The following MYLK variants were observed in gnomAD, a reference collection of about 807,000 sequenced individuals.
MYLK encodes myosin light chain kinase, smooth muscle.
MYLK carries 106 observed loss-of-function variants against 203.4 expected under a neutral mutation model. The ratio of observed to expected loss-of-function variants is 0.52; its 90% confidence interval spans 0.45 to 0.61. MYLK has a LOEUF of 0.61. MYLK is among the 20% of genes least tolerant of loss of function. The pLI, the probability that MYLK is intolerant of heterozygous loss-of-function variation, is 0.00. For synonymous variants in MYLK, 867 were observed against 959.5 expected (o/e 0.90, Z 1.78); for missense variants, 2,072 against 2,442.3 (o/e 0.85, Z 3.20).
rs200949109 is a variant in MYLK at position 123,647,250 on chromosome 3, C to G, written c.4593G>C (p.Lys1531Asn). 2.0e-5 allele frequency: 33 copies of G among 1,614,220 alleles called. No individual in the cohort carries two copies. In the African/African-American group the frequency reaches 3.2e-4, roughly 16 times the overall value. Residue 1531 changes from lysine (K) to asparagine (N), a missense_variant, in exon 27 of 34, where the codon AAG becomes AAC. Physicochemically the swap from Lys to Asn is moderately conservative, Grantham distance 94. Coordinates refer to ENST00000360304, the MANE Select transcript of MYLK (RefSeq NM_053025.4). ...LVQCVDAFEE[K>N]ANIVMVLEIV... Reference sequence around the variant, plus strand: ...TCTCCAGGACCATGACGATGTTGGCCTTTTCTTCAAAGGCATCCACACACT... The same window carrying G: ...TCTCCAGGACCATGACGATGTTGGCGTTTTCTTCAAAGGCATCCACACACT...
intron 23 of MYLK, among the ~76,000 whole-genome samples, chr3:123,662,123 G>T (rs949042529): frequency 6.6e-6 from 1 of 152,206 alleles, no homozygotes; most frequent in African/African-American, 2.4e-5. Context: ...TCTCTGGCAT[G>T]TGGACAGCTC....
chr3:123,883,123 A>G (rs953258522), intron 1 of MYLK, among the ~76,000 whole-genome samples: 9 of 152,164 alleles, frequency 5.9e-5, no homozygotes, highest in African/African-American at 1.7e-4. Context: ...CATTTTGACA[A>G]AAAGTATTCC....
intron 3 of MYLK, among the ~76,000 whole-genome samples, chr3:123,812,253 T>C (rs1316731010): frequency 6.6e-6 from 1 of 152,218 alleles, no homozygotes; most frequent in East Asian, 1.9e-4. Context: ...GAATTCATTA[T>C]TGACAGCACC....
intron 1 of MYLK, among the ~76,000 whole-genome samples, chr3:123,883,070 GTCC>G (rs2033643816): frequency 6.6e-6 from 1 of 152,166 alleles, no homozygotes; most frequent in Non-Finnish European, 1.5e-5. Context: ...TCCCCAAATG[GTCC>G]TCCTAAGCCC....
chr3:123,705,322 A>G (rs1404430880), intron 16 of MYLK, among the ~76,000 whole-genome samples: 1 of 152,194 alleles, frequency 6.6e-6, no homozygotes, highest in African/African-American at 2.4e-5. Flanking sequence ...CTCCGAAAGG[A>G]ATGAAGAGGC....
chr3:123,770,184 C>T (rs940751322), intron 4 of MYLK, among the ~76,000 whole-genome samples: 51 of 151,042 alleles, frequency 3.4e-4, no homozygotes, highest in Admixed American at 3.2e-3. Context: ...ATTAGCTGGG[C>T]GTGGTGGCGG....
At chr3:123,804,554 G>A (rs1462129713) in intron 3 of MYLK, among the ~76,000 whole-genome samples, 1 of 152,164 alleles carries the variant, frequency 6.6e-6, no homozygotes, top group Non-Finnish European at 1.5e-5. Flanking sequence ...CCTGCAGACT[G>A]TAGATCCCAT....
intron 5 of MYLK, 28 bp from the exon 6 acceptor site, chr3:123,740,029 G>A (rs770497044): frequency 1.9e-6 from 3 of 1,613,264 alleles, no homozygotes; most frequent in Middle Eastern, 3.3e-4. Flanking sequence ...GATGAGTCAG[G>A]TCTGAGCCAC....
rs367649461 is a variant in MYLK at position 123,737,515 on chromosome 3, C to A, written c.617G>T (p.Arg206Leu). ...KGNVPLQPSA[R>L]VSVSEKNGMQ... ...GCCGTTCTTCTCAGACACAGACACACGGGCACTCGGCTGCAGTGGAACATT... is the reference window on the plus strand; with the variant it reads ...GCCGTTCTTCTCAGACACAGACACAAGGGCACTCGGCTGCAGTGGAACATT... The change falls in exon 8 of 34, where the codon CGT becomes CTT. Residue 206 changes from arginine to leucine, a missense_variant. Arg to Leu is a moderately radical substitution (Grantham distance 102). Coordinates refer to ENST00000360304, the MANE Select transcript of MYLK (RefSeq NM_053025.4). 1 of 1,614,192 alleles carries A rather than the reference C, an allele frequency of 6.2e-7. No homozygotes were observed. The highest frequency in any genetic ancestry group is 1.3e-5 in the African/African-American group (1 of 75,052).
At position 123,708,751 on chromosome 3, in the gene MYLK, T is replaced by C; in HGVS notation, c.2087A>G (p.Glu696Gly). 1 of 1,614,208 alleles carries C rather than the reference T, an allele frequency of 6.2e-7. No individual in the cohort carries two copies. Among genetic ancestry groups the C allele is most frequent in the Non-Finnish European group, 8.5e-7 (1 of 1,180,038 alleles). The change falls in exon 15 of 34, where the codon GAG becomes GGG. Residue 696 changes from glutamate to glycine, a missense_variant. By Grantham distance (98) the Glu-to-Gly change is moderately conservative. This residue lies in a region of MYLK where 865 missense variants were observed against 1,016.0 expected (regional missense o/e 0.85). Coordinates refer to ENST00000360304, the MANE Select transcript of MYLK (RefSeq NM_053025.4). Reference protein sequence around the residue: ...FPEDTGTYTCEAWNSAGEVRT... With the variant: ...FPEDTGTYTCGAWNSAGEVRT... ...GACCTCTCCAGCGCTGTTCCAGGCC[T>C]CGCAGGTGTACGTGCCCGTGTCCTC...
intron 2 of MYLK, among the ~76,000 whole-genome samples, chr3:123,841,575 C>T (rs1377824379): frequency 6.6e-6 from 1 of 152,078 alleles, no homozygotes; most frequent in East Asian, 1.9e-4. Context: ...TTTCCGTCTT[C>T]AGACATCCTC....
Position 123,735,523 on chromosome 3 carries a change from C to T in MYLK, c.755-107G>A, listed in dbSNP as rs78104322. On this transcript the variant is annotated intron_variant, in intron 8 of 33. Coordinates refer to ENST00000360304, the MANE Select transcript of MYLK (RefSeq NM_053025.4). ...CACCGTGGTCCCACCCTGCTGGCTC[C>T]TTCCAGCTTCCCTGGTGCTGAACGT... The T allele has an allele frequency of 1.1e-3, 1,341 of 1,247,112 alleles. 11 individuals carry two copies. The African/African-American group carries it at 0.017, about 16-fold the overall frequency. The allele number at this position is 1,247,112 out of a possible 1,614,324, so 77.3% of individuals were successfully genotyped here.
At chr3:123,673,446 A>C (rs1576504903) in intron 20 of MYLK, among the ~76,000 whole-genome samples, 1 of 145,854 alleles carries the variant, frequency 6.9e-6, no homozygotes, top group African/African-American at 2.5e-5. Context: ...CCCTCCCCCC[A>C]CTCCCCCGCT....
intron 23 of MYLK, chr3:123,659,650 C>T: frequency 3.9e-6 from 2 of 517,222 alleles, no homozygotes; most frequent in Non-Finnish European, 3.9e-6. Context: ...AGCTATGAGC[C>T]CCATGCAGTG....
intron 31 of MYLK, chr3:123,620,667 G>C: frequency 6.4e-6 from 7 of 1,092,628 alleles, no homozygotes; most frequent in Non-Finnish European, 7.9e-6. Context: ...AGCAACTGCA[G>C]GCTGAGACAG....
chr3:123,728,468 T>C (rs569334434), intron 11 of MYLK, among the ~76,000 whole-genome samples: 1 of 152,166 alleles, frequency 6.6e-6, no homozygotes, highest in African/African-American at 2.4e-5. Context: ...GATCACGCCA[T>C]TGCACTCCAG....
Position 123,618,623 on chromosome 3 carries a change from C to A in MYLK, c.5500+16G>T. 1.2e-6 allele frequency: 2 copies of A among 1,613,808 alleles called. No homozygotes were observed. Among genetic ancestry groups the A allele is most frequent in the African/African-American group, 1.3e-5 (1 of 75,032 alleles). ...ACACCCTATTCATGGTGAAGAGAAG[C>A]ACAGCTACAACTTACCTTCAATCTT... On this transcript the variant is annotated intron_variant, in intron 33 of 33. Coordinates refer to ENST00000360304, the MANE Select transcript of MYLK (RefSeq NM_053025.4).
chr3:123,747,445 C>A (rs1225391733), intron 5 of MYLK, among the ~76,000 whole-genome samples: 1 of 152,112 alleles, frequency 6.6e-6, no homozygotes, highest in African/African-American at 2.4e-5. Context: ...GAGGGGAGAG[C>A]CAGGCAGACG....
intron 4 of MYLK, among the ~76,000 whole-genome samples, chr3:123,763,438 C>CATCA (rs2063599356): frequency 6.6e-6 from 1 of 152,214 alleles, no homozygotes; most frequent in African/African-American, 2.4e-5. Context: ...AATACCATTC[C>CATCA]AATAGTTTTC....
Sources: gnomAD v4.1 joint callset for allele counts (sites outside exome capture counted in the v4.1 genomes callset) on GRCh38, gnomAD v4.1.1 for gene constraint, gnomAD v4.1.1 regional missense constraint, MANE v1.5 for transcripts, NCBI Gene and HGNC (gene_info 2026-07-23, HGNC 2026-07-21) for gene names.